ARL15: variants seen among roughly 807,000 people sequenced by gnomAD.
The protein encoded by ARL15 is ARF like GTPase 15.
A neutral mutation model predicts 25.2 loss-of-function variants in ARL15; 19 were observed. The ratio of observed to expected loss-of-function variants is 0.75; its 90% CI spans 0.53 to 1.10. The LOEUF (loss-of-function observed/expected upper bound fraction) is 1.10. Ranked by LOEUF, ARL15 falls within the 50% of genes least tolerant of loss-of-function variation. ARL15 has a pLI of 0.00. For missense variants in ARL15, 220 were observed against 246.0 expected (o/e 0.89, Z 0.71); for synonymous variants, 94 against 86.8 (o/e 1.08, Z -0.46).
chr5:54,301,599 A>T lies in ARL15; in HGVS notation c.48+8833T>A, dbSNP rs181080360. ...CTTTTCTGAATGCTTAAAATAATTCATAATTAGAAATAAAACTCTGAAAGA... is the reference window on the plus strand; with the variant it reads ...CTTTTCTGAATGCTTAAAATAATTCTTAATTAGAAATAAAACTCTGAAAGA... On this transcript the variant is annotated intron_variant, in intron 1 of 4. Coordinates refer to ENST00000504924, the MANE Select transcript of ARL15 (RefSeq NM_019087.3). 1.1e-4 allele frequency among the ~76,000 whole-genome samples: 16 copies of T among 152,356 alleles called. No individual in the cohort carries two copies. In the East Asian group the frequency reaches 3.1e-3, roughly 29 times the overall value.
intron 4 of ARL15, among the ~76,000 whole-genome samples, chr5:54,029,309 C>CACCACT (rs1749887808): frequency 8.7e-6 from 1 of 115,392 alleles, no homozygotes; most frequent in Admixed American, 8.7e-5. Flanking sequence ...AAACAGTTAC[C>CACCACT]ACCACCACCA....
At chr5:53,962,033 T>C (rs569434305) in intron 4 of ARL15, among the ~76,000 whole-genome samples, 4 of 152,306 alleles carry the variant, frequency 2.6e-5, no homozygotes, top group Admixed American at 6.5e-5. Flanking sequence ...AGCAACACTT[T>C]AATGAACATC....
At chr5:53,959,686 G>GT in intron 4 of ARL15, among the ~76,000 whole-genome samples, 1 of 152,174 alleles carries the variant, frequency 6.6e-6, no homozygotes, top group Middle Eastern at 3.4e-3. Context: ...TTTCTGCACT[G>GT]ATTTGCACCT....
intron 1 of ARL15, among the ~76,000 whole-genome samples, chr5:54,299,419 A>G (rs1456642313): frequency 1.3e-5 from 2 of 152,166 alleles, no homozygotes; most frequent in African/African-American, 4.8e-5. Flanking sequence ...TGGCTCCACC[A>G]TGTCTTAGGC....
At chr5:53,903,926 A>G (rs1249992732) in intron 4 of ARL15, among the ~76,000 whole-genome samples, 26 of 152,224 alleles carry the variant, frequency 1.7e-4, no homozygotes, top group Admixed American at 1.7e-3. Flanking sequence ...CATGGTGGCC[A>G]GCGATACTGA....
chr5:54,028,072 C>T (rs1749841643), intron 4 of ARL15, among the ~76,000 whole-genome samples: 1 of 152,018 alleles, frequency 6.6e-6, no homozygotes, highest in Admixed American at 6.6e-5. Flanking sequence ...AGGCACCCGC[C>T]ACCACGCCCG....
At chr5:54,157,387 G>A (rs1754269512) in intron 2 of ARL15, among the ~76,000 whole-genome samples, 1 of 152,100 alleles carries the variant, frequency 6.6e-6, no homozygotes, top group Non-Finnish European at 1.5e-5. Flanking sequence ...TTCACACTAA[G>A]CAAAGTATCC....
chr5:54,119,440 T>C (rs1262011989), intron 3 of ARL15, among the ~76,000 whole-genome samples: 1 of 152,090 alleles, frequency 6.6e-6, no homozygotes, highest in African/African-American at 2.4e-5. Context: ...TCCTATTGCT[T>C]ATAAATTACC....
intron 4 of ARL15, among the ~76,000 whole-genome samples, chr5:53,996,882 A>G (rs1167115876): frequency 3.3e-5 from 5 of 152,158 alleles, no homozygotes; most frequent in African/African-American, 1.2e-4. Context: ...GAGCAGGAGC[A>G]CTGGGATGGA....
intron 1 of ARL15, among the ~76,000 whole-genome samples, chr5:54,213,994 GAA>G (rs1756115389): frequency 1.3e-5 from 2 of 152,168 alleles, no homozygotes; most frequent in East Asian, 3.9e-4. Context: ...ATATGAGAGA[GAA>G]GTCTTTTAAA....
chr5:54,106,440 T>C (rs35830440), intron 4 of ARL15, among the ~76,000 whole-genome samples: 2,171 of 152,218 alleles, frequency 0.014, 38 homozygotes, highest in Middle Eastern at 0.044. Context: ...AGTTATCCCT[T>C]GGTATCTTTT....
At chr5:54,123,020 A>G (rs1239751720) in intron 3 of ARL15, among the ~76,000 whole-genome samples, 2 of 152,176 alleles carry the variant, frequency 1.3e-5, no homozygotes, top group Admixed American at 6.5e-5. Flanking sequence ...GTGATTATGT[A>G]AACTATTTAC....
In ARL15 at chr5:53,915,752, A is replaced by G. The variant is rs1048529482; in HGVS notation, c.463-29039T>C. The stretch of plus-strand genomic sequence containing the variant: ...CCTGTCAAATTTACCCTTTTTCTTT[A>G]GAATGATGTTGATCCAAGACAAACA... On this transcript the variant is annotated intron_variant, in intron 4 of 4. Transcript: ENST00000504924. 5.9e-5 allele frequency among the ~76,000 whole-genome samples: 9 copies of G among 152,306 alleles called. No homozygotes were observed. In the South Asian group the frequency reaches 1.7e-3, roughly 28 times the overall value.
intron 1 of ARL15, among the ~76,000 whole-genome samples, chr5:54,299,080 T>C (rs13180930): frequency 0.47 from 71,253 of 151,636 alleles, 19,046 homozygotes; most frequent in Non-Finnish European, 0.62. Context: ...TCTTATTTTT[T>C]TGTAGAGACA....
At chr5:54,233,214 A>T (rs1333896099) in intron 1 of ARL15, among the ~76,000 whole-genome samples, 1 of 152,220 alleles carries the variant, frequency 6.6e-6, no homozygotes, top group Non-Finnish European at 1.5e-5. Context: ...TCTATGTAAA[A>T]GTCTAAGGGT....
At chr5:54,269,909 T>C (rs892111422) in intron 1 of ARL15, among the ~76,000 whole-genome samples, 1 of 152,210 alleles carries the variant, frequency 6.6e-6, no homozygotes, top group Non-Finnish European at 1.5e-5. Context: ...TCTCCCAAAG[T>C]GCTGAGATTA....
At chr5:54,043,923 G>A (rs1295062955) in intron 4 of ARL15, among the ~76,000 whole-genome samples, 2 of 152,010 alleles carry the variant, frequency 1.3e-5, no homozygotes, top group Admixed American at 6.6e-5. Context: ...AGGCTGAGGT[G>A]GGAGTATCGC....
intron 1 of ARL15, among the ~76,000 whole-genome samples, chr5:54,238,722 A>C (rs1036912349): frequency 5.9e-5 from 9 of 152,212 alleles, no homozygotes; most frequent in Non-Finnish European, 1.2e-4. Context: ...AATCACTCGC[A>C]AAGGAAACAG....
rs116340213 is a variant in ARL15, at chr5:54,009,217, A to G, written c.462+103985T>C. ...TATTTGCCATCATTGTTAAATTGCC[A>G]CAAAGTTGCTTTCGACTTTTTAATC... On this transcript the variant is annotated intron_variant, in intron 4 of 4. Transcript: ENST00000504924. 5.4e-3 allele frequency among the ~76,000 whole-genome samples: 822 copies of G among 152,326 alleles called. 4 individuals carry two copies. Among genetic ancestry groups the G allele is most frequent in the Admixed American group, 0.011 (168 of 15,300 alleles).
Sources: allele counts gnomAD v4.1 joint callset (sites outside exome capture counted in the v4.1 genomes callset), GRCh38; gene constraint gnomAD v4.1.1; transcripts MANE v1.5; gene names NCBI Gene and HGNC (gene_info 2026-07-23, HGNC 2026-07-21).